LEF1: variants seen among roughly 807,000 people sequenced by gnomAD.
The protein encoded by LEF1 is lymphoid enhancer binding factor 1, also known as lymphoid enhancer-binding factor 1.
A neutral mutation model predicts 51.2 loss-of-function variants in LEF1; 14 were observed. The observed-to-expected ratio is 0.27, with a 90% CI of 0.18 to 0.43. The LOEUF (loss-of-function observed/expected upper bound fraction) is 0.43. Among genes scored for constraint, LEF1 ranks in the 20% least tolerant of loss-of-function variants. The pLI, the probability that LEF1 is intolerant of heterozygous loss-of-function variation, is 1.00. For missense variants in LEF1, 386 were observed against 512.0 expected (o/e 0.75, Z 2.37); for synonymous variants, 185 against 183.2 (o/e 1.01, Z -0.08).
At chr4:108,067,924 A>G (rs1020181331) in intron 9 of LEF1, among the ~76,000 whole-genome samples, 15 of 152,092 alleles carry the variant, frequency 9.9e-5, no homozygotes, top group African/African-American at 3.6e-4. Context: ...TGCTGCTCAG[A>G]AAACAGAAGC....
chr4:108,108,581 T>C (rs1741323763), intron 3 of LEF1, among the ~76,000 whole-genome samples: 1 of 152,114 alleles, frequency 6.6e-6, no homozygotes, highest in Non-Finnish European at 1.5e-5. Flanking sequence ...GATACTTCCA[T>C]CAAAATAAGA....
At chr4:108,163,776 T>G in intron 2 of LEF1, 75 bp from the exon 3 acceptor site, 2 of 1,467,820 alleles carry the variant, frequency 1.4e-6, no homozygotes, top group African/African-American at 2.8e-5. Flanking sequence ...TCTGAAAATC[T>G]AATAGTTCTA....
At chr4:108,140,115 AT>A (rs2110369840) in intron 3 of LEF1, among the ~76,000 whole-genome samples, 1 of 152,318 alleles carries the variant, frequency 6.6e-6, no homozygotes, top group South Asian at 2.1e-4. Flanking sequence ...TCAAGGGATT[AT>A]CAAAACCCCT....
chr4:108,048,597 A>G lies in LEF1; in HGVS notation c.*161T>C. 1.1e-6 allele frequency: 1 copy of G among 884,290 alleles called. No individual in the cohort carries two copies. Among genetic ancestry groups the G allele is most frequent in the Non-Finnish European group, 1.7e-6 (1 of 586,186 alleles). The allele number at this position is 884,290 out of a possible 1,614,324, so 54.8% of individuals were successfully genotyped here. On this transcript the variant is annotated 3_prime_UTR_variant, in exon 12 of 12. Transcript: ENST00000265165. ...GTCTTTATGGATCAGCGTCTCTAGC[A>G]GTGACCTCAGGGTAAAATTGATGTC...
At chr4:108,104,714 T>C (rs1229711100) in intron 3 of LEF1, 37 of 983,252 alleles carry the variant, frequency 3.8e-5, no homozygotes, top group Non-Finnish European at 4.5e-5. Context: ...CGCCCTCAAT[T>C]CCTGGGCCTA....
intron 11 of LEF1, among the ~76,000 whole-genome samples, chr4:108,054,362 G>A (rs1419243121): frequency 1.3e-5 from 2 of 152,242 alleles, no homozygotes; most frequent in Non-Finnish European, 2.9e-5. Flanking sequence ...AGAGGATGGA[G>A]AACTGGGGCT....
intron 3 of LEF1, among the ~76,000 whole-genome samples, chr4:108,159,173 T>C (rs1315801751): frequency 2.0e-5 from 3 of 152,134 alleles, no homozygotes; most frequent in Non-Finnish European, 4.4e-5. Context: ...ATAAGGTATT[T>C]GATGGGGGAA....
At chr4:108,139,845 A>T (rs1392959869) in intron 3 of LEF1, among the ~76,000 whole-genome samples, 1 of 152,164 alleles carries the variant, frequency 6.6e-6, no homozygotes, top group Admixed American at 6.5e-5. Context: ...ACTGGCTCAT[A>T]TGTTAAAATA....
chr4:108,144,447 T>G (rs1265263700), intron 3 of LEF1, among the ~76,000 whole-genome samples: 4 of 151,934 alleles, frequency 2.6e-5, no homozygotes, highest in Non-Finnish European at 5.9e-5. Flanking sequence ...ATTGGCAGAG[T>G]TCTGCCATCA....
At chr4:108,137,589 A>T (rs1387117490) in intron 3 of LEF1, among the ~76,000 whole-genome samples, 1 of 152,206 alleles carries the variant, frequency 6.6e-6, no homozygotes, top group African/African-American at 2.4e-5. Flanking sequence ...GTCTGAATGT[A>T]GGAAGGAACG....
chr4:108,156,866 G>C (rs1744734525), intron 3 of LEF1, among the ~76,000 whole-genome samples: 1 of 151,818 alleles, frequency 6.6e-6, no homozygotes, highest in Non-Finnish European at 1.5e-5. Flanking sequence ...GAGGGGGTAG[G>C]AGGGGGGTGA....
chr4:108,157,451 A>G (rs1157611234), intron 3 of LEF1, among the ~76,000 whole-genome samples: 1 of 152,104 alleles, frequency 6.6e-6, no homozygotes, highest in Non-Finnish European at 1.5e-5. Context: ...GCCTCGAGCA[A>G]TAGGCAACTT....
chr4:108,147,271 G>C (rs947696785), intron 3 of LEF1, among the ~76,000 whole-genome samples: 3 of 151,130 alleles, frequency 2.0e-5, no homozygotes, highest in African/African-American at 7.3e-5. Context: ...AAAAAAAAAA[G>C]TCTTTAAAAG....
intron 3 of LEF1, among the ~76,000 whole-genome samples, chr4:108,101,759 A>T (rs1364432206): frequency 6.6e-6 from 1 of 152,196 alleles, no homozygotes; most frequent in African/African-American, 2.4e-5. Flanking sequence ...TGTAGTTCTG[A>T]CACTATGGCT....
intron 11 of LEF1, among the ~76,000 whole-genome samples, chr4:108,050,031 C>T (rs933939816): frequency 2.0e-5 from 3 of 152,162 alleles, no homozygotes; most frequent in Non-Finnish European, 4.4e-5. Context: ...TCCAATTATG[C>T]CCAATGCGGC....
rs368182312 is a variant in LEF1 at position 108,138,153 on chromosome 4, C to T, written c.414+25415G>A. 5.1e-4 allele frequency among the ~76,000 whole-genome samples: 77 copies of T among 152,270 alleles called. No homozygotes were observed. The Middle Eastern group carries it at 0.01, about 20-fold the overall frequency. On this transcript the variant is annotated intron_variant, in intron 3 of 11. Coordinates refer to ENST00000265165, the MANE Select transcript of LEF1 (RefSeq NM_016269.5). ...CAGTTCTTTCCTCCACCCATGGCCTCTACTCGGGGAGCTGGTCAAATGTGG... is the reference window on the plus strand; with the variant it reads ...CAGTTCTTTCCTCCACCCATGGCCTTTACTCGGGGAGCTGGTCAAATGTGG...
At chr4:108,059,037 C>A (rs1174050216) in intron 11 of LEF1, among the ~76,000 whole-genome samples, 1 of 152,228 alleles carries the variant, frequency 6.6e-6, no homozygotes, top group East Asian at 1.9e-4. Context: ...CATCTCCAAC[C>A]TGGAGGAATG....
intron 11 of LEF1, among the ~76,000 whole-genome samples, chr4:108,055,469 T>C (rs183595092): frequency 1.0e-3 from 155 of 152,350 alleles, no homozygotes; most frequent in South Asian, 3.9e-3. Flanking sequence ...AAATTACATG[T>C]TTTGACACTT....
chr4:108,050,042 C>T (rs892328665), intron 11 of LEF1, among the ~76,000 whole-genome samples: 2 of 152,172 alleles, frequency 1.3e-5, no homozygotes, highest in Non-Finnish European at 2.9e-5. Flanking sequence ...CCAATGCGGC[C>T]CCTAAAGATG....
Sources: allele counts gnomAD v4.1 joint callset (sites outside exome capture counted in the v4.1 genomes callset), GRCh38; gene constraint gnomAD v4.1.1; transcripts MANE v1.5; gene names NCBI Gene and HGNC (gene_info 2026-07-23, HGNC 2026-07-21).